MCAM: variants seen among roughly 807,000 people sequenced by gnomAD.
MCAM encodes cell surface glycoprotein MUC18.
MCAM carries 55 observed loss-of-function variants against 79.1 expected under a neutral mutation model. The ratio of observed to expected loss-of-function variants is 0.70; its 90% CI spans 0.56 to 0.87. MCAM has a LOEUF of 0.87. Among genes scored for constraint, MCAM ranks in the 40% least tolerant of loss-of-function variants. The pLI is 0.00. For synonymous variants in MCAM, 330 were observed against 339.8 expected (o/e 0.97, Z 0.32); for missense variants, 745 against 839.8 (o/e 0.89, Z 1.40).
In MCAM at chr11:119,314,840, G is replaced by A. The variant is rs767744036; in HGVS notation, c.393C>T (p.Arg131=). The A allele has an allele frequency of 1.4e-5, 23 of 1,613,582 alleles. No individual in the cohort carries two copies. The highest frequency in any genetic ancestry group is 1.9e-5 in the Non-Finnish European group (23 of 1,180,020). ...AGACACAGGGTCACGCACTGTAGACGCGGAGCTGGATGCGGTACTCCTGGG... is the reference window on the plus strand; with the variant it reads ...AGACACAGGGTCACGCACTGTAGACACGGAGCTGGATGCGGTACTCCTGGG... ...PRSQEYRIQL[R]VYKAPEEPNI... The change falls in exon 3 of 16, where the codon CGC becomes CGT. Residue 131 remains arginine (R), a synonymous_variant. Coordinates refer to ENST00000264036, the MANE Select transcript of MCAM (RefSeq NM_006500.3).
chr11:119,313,166 A>G, intron 5 of MCAM: 1 of 1,511,836 alleles, frequency 6.6e-7, no homozygotes, highest in Non-Finnish European at 8.8e-7. Flanking sequence ...ATATCCAAGG[A>G]TGTGTGCAAA....
chr11:119,313,141 T>C, intron 5 of MCAM, 192 bp from the exon 6 acceptor site: 1 of 1,528,256 alleles, frequency 6.5e-7, no homozygotes, highest in South Asian at 1.2e-5. Context: ...TAGAAAAACA[T>C]TTTCATGTCT....
chr11:119,312,721 T>C lies in MCAM; in HGVS notation c.739+49A>G. On this transcript the variant is annotated intron_variant, in intron 6 of 15. Transcript: ENST00000264036. The surrounding 1 kb of genome is among the most constrained non-coding windows in gnomAD (Gnocchi z 4.9). ...CTGGATAAGGGGGAGCCAGCAGGAG[T>C]TTCCAGCAGCCCCAGCCCCAGTAAG... The C allele has an allele frequency of 1.9e-6, 3 of 1,611,670 alleles. No homozygotes were observed. The South Asian group carries it at 3.3e-5, about 18-fold the overall frequency.
chr11:119,315,115 T>A lies in MCAM; in HGVS notation c.192+24A>T. The stretch of plus-strand genomic sequence containing the variant: ...GGCAGAGTCTCCCTCCCCGGGCTGC[T>A]CTTGCAGGAGCCCAAGCACTCACAG... On this transcript the variant is annotated intron_variant, in intron 2 of 15. Coordinates refer to ENST00000264036, the MANE Select transcript of MCAM (RefSeq NM_006500.3). This position sits in a 1 kb window ranked among gnomAD's most constrained non-coding sequence, Gnocchi z 4.4. 1 of 1,613,108 alleles carries A rather than the reference T, an allele frequency of 6.2e-7. No individual in the cohort carries two copies. The highest frequency in any genetic ancestry group is 8.5e-7 in the Non-Finnish European group (1 of 1,179,982).
Position 119,316,982 on chromosome 11 carries a change from C to T in MCAM, c.67+53G>A. The T allele has an allele frequency of 1.4e-6, 2 of 1,459,162 alleles. No individual in the cohort carries two copies. The highest frequency in any genetic ancestry group is 1.2e-5 in the South Asian group (1 of 81,200). 90.4% of individuals were successfully genotyped at this position (1,459,162 alleles called of 1,614,324 possible). ...GCGCCGCTGGCTCTGCTCCCTGGCACGCTCCACCGCAGACCCCTAGCCGGG... is the reference window on the plus strand; with the variant it reads ...GCGCCGCTGGCTCTGCTCCCTGGCATGCTCCACCGCAGACCCCTAGCCGGG... On this transcript the variant is annotated intron_variant, in intron 1 of 15. Transcript: ENST00000264036. This position sits in a 1 kb window ranked among gnomAD's most constrained non-coding sequence, Gnocchi z 4.8.
In MCAM at chr11:119,315,525, G is replaced by A; in HGVS notation, c.68-262C>T. 1 of 475,736 alleles carries A rather than the reference G, an allele frequency of 2.1e-6. No individual in the cohort carries two copies. The highest frequency in any genetic ancestry group is 3.3e-5 in the Admixed American group (1 of 30,152). The allele number at this position is 475,736 out of a possible 1,614,324, so 29.5% of individuals were successfully genotyped here. A position where few individuals can be genotyped will look rare whatever the true frequency, so the allele number is the denominator to read the frequency against. The stretch of plus-strand genomic sequence containing the variant: ...AACAGCTCCAGCTGAGGCTGGTAGA[G>A]GGGCAGAAAGGGGCAACCTAGGCTC... On this transcript the variant is annotated intron_variant, in intron 1 of 15. Transcript: ENST00000264036. This position sits in a 1 kb window ranked among gnomAD's most constrained non-coding sequence, Gnocchi z 4.4.
chr11:119,310,826 G>A lies in MCAM; in HGVS notation c.1723C>T (p.Leu575=), dbSNP rs199521090. 3.1e-6 allele frequency: 5 copies of A among 1,614,192 alleles called. No individual in the cohort carries two copies. The highest frequency in any genetic ancestry group is 1.6e-4 in the Middle Eastern group (1 of 6,062). ...VIVCILVLAV[L]GAVLYFLYKK... ...TAGAGGAAATAGAGGACAGCGCCCA[G>A]CACCGCCAGGACCAGGATGCACACA... The change falls in exon 14 of 16, where the codon CTG becomes TTG. Residue 575 remains leucine (L), a synonymous_variant. Coordinates refer to ENST00000264036, the MANE Select transcript of MCAM (RefSeq NM_006500.3).
chr11:119,315,293 T>A lies in MCAM; in HGVS notation c.68-30A>T, dbSNP rs559886927. 22 of 1,594,494 alleles carry A rather than the reference T, an allele frequency of 1.4e-5. No individual in the cohort carries two copies. The highest frequency in any genetic ancestry group is 1.8e-5 in the Non-Finnish European group (21 of 1,175,022). ...GGGAGGGAGGCGGGGCCCCCGCAGC[T>A]GTGTCAGCTCCGGCTGCTGTCCGCC... On this transcript the variant is annotated intron_variant, in intron 1 of 15. Transcript: ENST00000264036. This position sits in a 1 kb window ranked among gnomAD's most constrained non-coding sequence, Gnocchi z 4.4.
At position 119,311,986 on chromosome 11, in the gene MCAM, GCACATTCTTGT is replaced by G; in HGVS notation, c.1144-48_1144-38del. 3 of 1,611,426 alleles carry G rather than the reference GCACATTCTTGT, an allele frequency of 1.9e-6. No homozygotes were observed. Among genetic ancestry groups the G allele is most frequent in the Non-Finnish European group, 2.5e-6 (3 of 1,178,846 alleles). On this transcript the variant is annotated intron_variant, in intron 9 of 15. Coordinates refer to ENST00000264036, the MANE Select transcript of MCAM (RefSeq NM_006500.3). The surrounding 1 kb of genome is among the most constrained non-coding windows in gnomAD (Gnocchi z 4.4). Reference sequence around the variant, plus strand: ...GATGGGTCAGAGGGTCTGGGAAAGAGCACATTCTTGTCACCGCCAGCCCCACCCACCCCATC... The same window carrying G: ...GATGGGTCAGAGGGTCTGGGAAAGAGCACCGCCAGCCCCACCCACCCCATC...
At position 119,312,215 on chromosome 11, in the gene MCAM, T is replaced by C; in HGVS notation, c.1025-45A>G. On this transcript the variant is annotated intron_variant, in intron 8 of 15. Transcript: ENST00000264036. This position sits in a 1 kb window ranked among gnomAD's most constrained non-coding sequence, Gnocchi z 4.9. ...GTCACCCAGGGCAGGGTGGGGCCAG[T>C]TCCCTATTGCCCCAGCCTGGTCCCC... The C allele has an allele frequency of 6.2e-7, 1 of 1,611,316 alleles. No homozygotes were observed. The highest frequency in any genetic ancestry group is 8.5e-7 in the Non-Finnish European group (1 of 1,178,102).
At position 119,312,852 on chromosome 11, in the gene MCAM, G is replaced by A; in HGVS notation, c.657C>T (p.Ala219=). 1 of 1,614,148 alleles carries A rather than the reference G, an allele frequency of 6.2e-7. No individual in the cohort carries two copies. Among genetic ancestry groups the A allele is most frequent in the South Asian group, 1.1e-5 (1 of 91,076 alleles). The change falls in exon 6 of 16, where the codon GCC becomes GCT. Residue 219 remains alanine (A), a synonymous_variant. Coordinates refer to ENST00000264036, the MANE Select transcript of MCAM (RefSeq NM_006500.3). The surrounding 1 kb of genome is among the most constrained non-coding windows in gnomAD (Gnocchi z 4.9). ...GGTAGTTGAGCTCACAGTAAAACTG[G>A]GCATCTTTGTCTTCTTTAACCAGCT... is the stretch of plus-strand genomic sequence containing the variant. The part of the protein sequence containing the change: ...KAQLVKEDKD[A]QFYCELNYRL...
Position 119,312,659 on chromosome 11 carries a change from A to G in MCAM, c.740-11T>C, listed in dbSNP as rs756072305. 13 of 1,613,980 alleles carry G rather than the reference A, an allele frequency of 8.1e-6. No individual in the cohort carries two copies. The highest frequency in any genetic ancestry group is 6.7e-5 in the Admixed American group (4 of 60,018). ...CTTTTTCTGTCGGGTCTGCATAGGC[A>G]AAGGGGGTAGCTCTTGGCCCATGAG... On this transcript the variant is annotated splice_polypyrimidine_tract_variant and intron_variant, in intron 6 of 15. Coordinates refer to ENST00000264036, the MANE Select transcript of MCAM (RefSeq NM_006500.3). This position sits in a 1 kb window ranked among gnomAD's most constrained non-coding sequence, Gnocchi z 4.9.
chr11:119,313,486 C>T (rs1950265166), intron 5 of MCAM: 1 of 417,260 alleles, frequency 2.4e-6, no homozygotes, highest in South Asian at 2.2e-5. Context: ...CAACCTCCAC[C>T]TCCCTCCCGG....
rs1950305541 is a variant in MCAM, at chr11:119,315,838, A to T, written c.68-575T>A. On this transcript the variant is annotated intron_variant, in intron 1 of 15. Coordinates refer to ENST00000264036, the MANE Select transcript of MCAM (RefSeq NM_006500.3). The surrounding 1 kb of genome is among the most constrained non-coding windows in gnomAD (Gnocchi z 4.4). ...CCCTAGGTAGCTGGTAAGGATGGAG[A>T]GGTCAGAGTCTCCCCCAGGGGTCAG... is the stretch of plus-strand genomic sequence containing the variant. The T allele has an allele frequency of 2.5e-5, 4 of 158,742 alleles. No individual in the cohort carries two copies. The highest frequency in any genetic ancestry group is 1.8e-4 in the Admixed American group (3 of 16,816). 9.8% of individuals were successfully genotyped at this position (158,742 alleles called of 1,614,324 possible).
rs1248703851 is a variant in MCAM at position 119,310,057 on chromosome 11, A to G, written c.1912-142T>C. 2.6e-5 allele frequency: 19 copies of G among 729,344 alleles called. No homozygotes were observed. The East Asian group carries it at 5.1e-4, about 20-fold the overall frequency. The allele number at this position is 729,344 out of a possible 1,614,324, so 45.2% of individuals were successfully genotyped here. On this transcript the variant is annotated intron_variant, in intron 15 of 15. Coordinates refer to ENST00000264036, the MANE Select transcript of MCAM (RefSeq NM_006500.3). Reference sequence around the variant, plus strand: ...GGGAGGAAGCTAGGATGGGCATGGCAGGCCAGGGAAGGAGGGCGGCCCCCG... The same window carrying G: ...GGGAGGAAGCTAGGATGGGCATGGCGGGCCAGGGAAGGAGGGCGGCCCCCG...
chr11:119,312,429 C>G lies in MCAM; in HGVS notation c.862-1G>C. 1 of 1,613,656 alleles carries G rather than the reference C, an allele frequency of 6.2e-7. No homozygotes were observed. The highest frequency in any genetic ancestry group is 1.1e-5 in the South Asian group (1 of 91,036). On this transcript the variant is annotated splice_acceptor_variant, in intron 7 of 15. Transcript: ENST00000264036. LOFTEE classifies it high-confidence loss of function. This position sits in a 1 kb window ranked among gnomAD's most constrained non-coding sequence, Gnocchi z 4.9. ...CCTCTGCCTCCCTGGTGCTGGGGTT[C>G]TAGGGAGGATTGGGGAGGTGAGCAG...
In MCAM at chr11:119,315,263, C is replaced by A; in HGVS notation, c.68G>T (p.Gly23Val). ...AACCCCPRVA[G>V]VPGEAEQPAP... ...AGGCTGCTCAGCCTCTCCGGGCACA[C>A]CTGGGGGAGGGAGGCGGGGCCCCCG... The change falls in exon 2 of 16, where the codon GGT (glycine) becomes GTT (valine). Residue 23 changes from glycine to valine, a missense_variant and splice_region_variant. Physicochemically the swap from Gly to Val is moderately radical, Grantham distance 109. Coordinates refer to ENST00000264036, the MANE Select transcript of MCAM (RefSeq NM_006500.3). The surrounding 1 kb of genome is among the most constrained non-coding windows in gnomAD (Gnocchi z 4.4). 1.2e-6 allele frequency: 2 copies of A among 1,608,174 alleles called. No homozygotes were observed. The highest frequency in any genetic ancestry group is 1.3e-5 in the African/African-American group (1 of 74,984).
In MCAM at chr11:119,308,653, T is replaced by C. The variant is rs566813823; in HGVS notation, c.*1233A>G. 1 of 152,148 alleles carries C rather than the reference T, an allele frequency of 6.6e-6. No individual in the cohort carries two copies. The highest frequency in any genetic ancestry group is 1.5e-5 in the Non-Finnish European group (1 of 68,010). The allele number at this position is 152,148 out of a possible 1,614,324, so 9.4% of individuals were successfully genotyped here. A position where few individuals can be genotyped will look rare whatever the true frequency, so the allele number is the denominator to read the frequency against. On this transcript the variant is annotated 3_prime_UTR_variant, in exon 16 of 16. Coordinates refer to ENST00000264036, the MANE Select transcript of MCAM (RefSeq NM_006500.3). ...TGACAAAACCATATATACACACATA[T>C]GTATGCATACACACAGACAGACACA...
Position 119,315,561 on chromosome 11 carries a change from G to A in MCAM, c.68-298C>T. Reference sequence around the variant, plus strand: ...GGGCAACCTAGGCTCGGGGCCAAGAGGAAGGCCCCTTTCCTTCCAGGCCCC... The same window carrying A: ...GGGCAACCTAGGCTCGGGGCCAAGAAGAAGGCCCCTTTCCTTCCAGGCCCC... On this transcript the variant is annotated intron_variant, in intron 1 of 15. Coordinates refer to ENST00000264036, the MANE Select transcript of MCAM (RefSeq NM_006500.3). This position sits in a 1 kb window ranked among gnomAD's most constrained non-coding sequence, Gnocchi z 4.4. 1 of 405,824 alleles carries A rather than the reference G, an allele frequency of 2.5e-6. No individual in the cohort carries two copies. Among genetic ancestry groups the A allele is most frequent in the Non-Finnish European group, 4.6e-6 (1 of 216,414 alleles). The allele number at this position is 405,824 out of a possible 1,614,324, so 25.1% of individuals were successfully genotyped here.
Sources: allele counts gnomAD v4.1 joint callset, GRCh38; gene constraint gnomAD v4.1.1; non-coding constraint Gnocchi (gnomAD v3.1); transcripts MANE v1.5; gene names NCBI Gene and HGNC (gene_info 2026-07-23, HGNC 2026-07-21).